SFXN5: variants seen among roughly 807,000 people sequenced by gnomAD.
SFXN5 encodes sideroflexin 5, also known as sideroflexin-5.
A neutral mutation model predicts 50.2 loss-of-function variants in SFXN5; 43 were observed. The ratio of observed to expected loss-of-function variants is 0.86; its 90% CI spans 0.67 to 1.11. The LOEUF (loss-of-function observed/expected upper bound fraction) is 1.11. Among genes scored for constraint, SFXN5 ranks in the 50% least tolerant of loss-of-function variants. The probability of loss-of-function intolerance (pLI) is 0.00; values close to 1 mark genes in which losing one functional copy is unlikely to be tolerated. For synonymous variants in SFXN5, 203 were observed against 185.8 expected (o/e 1.09, Z -0.75); for missense variants, 463 against 454.1 (o/e 1.02, Z -0.18).
Position 72,961,921 on chromosome 2 carries a change from G to GCCA in SFXN5, c.828-676_828-674dup, listed in dbSNP as rs146193138. 0.053 allele frequency among the ~76,000 whole-genome samples: 8,020 copies of GCCA among 152,258 alleles called. 300 individuals carry two copies. The highest frequency in any genetic ancestry group is 0.099 in the Middle Eastern group (29 of 294). Reference sequence around the variant, plus strand: ...GCTGTCACCCCAGCTGGTCCCCTGTGCCAGCTTCATCACCAACACAACACA... The same window carrying GCCA: ...GCTGTCACCCCAGCTGGTCCCCTGTGCCACCAGCTTCATCACCAACACAACACA... On this transcript the variant is annotated intron_variant, in intron 12 of 13. Coordinates refer to ENST00000272433, the MANE Select transcript of SFXN5 (RefSeq NM_144579.3). The surrounding 1 kb of genome is among the most constrained non-coding windows in gnomAD (Gnocchi z 4.4).
At chr2:73,024,826 ATAAAT>A (rs913296659) in intron 3 of SFXN5, among the ~76,000 whole-genome samples, 9 of 152,250 alleles carry the variant, frequency 5.9e-5, no homozygotes, top group African/African-American at 2.2e-4. Context: ...CATCTGGAAC[ATAAAT>A]TAAGCTGCAG....
Position 73,020,340 on chromosome 2 carries a change from T to C in SFXN5, c.332-76A>G, listed in dbSNP as rs1377677973. 5 of 1,483,802 alleles carry C rather than the reference T, an allele frequency of 3.4e-6. No individual in the cohort carries two copies. In the Admixed American group the frequency reaches 8.9e-5, roughly 26 times the overall value. The allele number at this position is 1,483,802 out of a possible 1,614,324, so 91.9% of individuals were successfully genotyped here. On this transcript the variant is annotated intron_variant, in intron 5 of 13. Transcript: ENST00000272433. ...CTGAGATACCCAGGAGCCTCCGGGT[T>C]AGGTCTTAGGCTATCAGTGGCCCTG...
intron 10 of SFXN5, among the ~76,000 whole-genome samples, chr2:72,986,847 C>T (rs1671981179): frequency 6.6e-6 from 1 of 152,170 alleles, no homozygotes. Flanking sequence ...AAATCCCCTC[C>T]ACATATACCT....
In SFXN5 at chr2:72,971,667, T is replaced by C. The variant is rs1207967016; in HGVS notation, c.644A>G (p.Asn215Ser). ...FPAVASANICNVVLMRYGELE... is the reference protein window; with the variant it reads ...FPAVASANICSVVLMRYGELE... ...CTCCCCGTACCGCATCAGGACCACA[T>C]TGCAGATATTGGCACTGGCTGCAGA... is the stretch of plus-strand genomic sequence containing the variant. The change falls in exon 11 of 14, where the codon AAT becomes AGT. Residue 215 changes from asparagine (N) to serine (S), a missense_variant. Physicochemically the swap from Asn to Ser is conservative, Grantham distance 46. Coordinates refer to ENST00000272433, the MANE Select transcript of SFXN5 (RefSeq NM_144579.3). The C allele has an allele frequency of 6.2e-7, 1 of 1,613,800 alleles. No individual in the cohort carries two copies.
At chr2:73,022,217 G>A (rs1326279124) in intron 5 of SFXN5, among the ~76,000 whole-genome samples, 1 of 152,210 alleles carries the variant, frequency 6.6e-6, no homozygotes, top group African/African-American at 2.4e-5. Flanking sequence ...GCATCACTGA[G>A]GCTGTCCTAG....
chr2:73,056,060 C>G (rs1682073205), intron 2 of SFXN5, among the ~76,000 whole-genome samples: 1 of 152,166 alleles, frequency 6.6e-6, no homozygotes, highest in South Asian at 2.1e-4. Context: ...ATCACTTGAA[C>G]CCGGGAAGTG....
intron 2 of SFXN5, among the ~76,000 whole-genome samples, chr2:73,055,180 G>A (rs1222755864): frequency 6.6e-6 from 1 of 152,286 alleles, no homozygotes; most frequent in Non-Finnish European, 1.5e-5. Flanking sequence ...GATGTGCAGT[G>A]AAGTGCTGCC....
chr2:73,056,980 T>A (rs528088562), intron 2 of SFXN5, among the ~76,000 whole-genome samples: 1 of 152,334 alleles, frequency 6.6e-6, no homozygotes, highest in Admixed American at 6.5e-5. Context: ...AGAATGTTCA[T>A]ATAGTTTTAT....
chr2:72,948,409 G>A (rs1316198579), intron 13 of SFXN5, among the ~76,000 whole-genome samples: 2 of 152,228 alleles, frequency 1.3e-5, no homozygotes, highest in Non-Finnish European at 2.9e-5. Context: ...AAGCCAAGGA[G>A]TATTTTAAGT....
chr2:73,060,783 C>A (rs538653571), intron 1 of SFXN5, among the ~76,000 whole-genome samples: 1 of 151,222 alleles, frequency 6.6e-6, no homozygotes, highest in South Asian at 2.1e-4. Context: ...CTCACTGCAA[C>A]CTCTGCCTCC....
At chr2:73,063,157 A>G (rs1327813400) in intron 1 of SFXN5, among the ~76,000 whole-genome samples, 2 of 152,242 alleles carry the variant, frequency 1.3e-5, no homozygotes. Flanking sequence ...TGTATTGGTC[A>G]TATCAGTCTG....
intron 10 of SFXN5, among the ~76,000 whole-genome samples, chr2:72,975,124 T>G (rs139995790): frequency 3.9e-5 from 6 of 152,358 alleles, no homozygotes; most frequent in African/African-American, 1.4e-4. Context: ...ACTTTGCTTC[T>G]TGATGATGGC....
chr2:73,051,546 G>A (rs778112813), intron 2 of SFXN5, among the ~76,000 whole-genome samples: 4 of 152,040 alleles, frequency 2.6e-5, no homozygotes, highest in Non-Finnish European at 5.9e-5. Context: ...GTGAGCCACC[G>A]CCCCCAGCCT....
At chr2:72,969,129 C>T (rs1674848576) in intron 11 of SFXN5, among the ~76,000 whole-genome samples, 2 of 151,974 alleles carry the variant, frequency 1.3e-5, no homozygotes, top group Non-Finnish European at 2.9e-5. Flanking sequence ...TCTTACCACA[C>T]ACATTTGAGA....
At chr2:72,985,975 C>CT (rs1050249668) in intron 10 of SFXN5, among the ~76,000 whole-genome samples, 30 of 152,230 alleles carry the variant, frequency 2.0e-4, no homozygotes, top group Admixed American at 1.8e-3. Context: ...TAAAGCTTGG[C>CT]TAGGGACAGA....
chr2:72,998,160 C>T (rs1673469361), intron 9 of SFXN5: 1 of 152,114 alleles, frequency 6.6e-6, no homozygotes, highest in African/African-American at 2.4e-5. Context: ...GTGAAGGGGC[C>T]CTTCGCCCTC....
In SFXN5 at chr2:73,071,221, C is replaced by A. The variant is rs549494843; in HGVS notation, c.102+383G>T. ...GGCCACGCCAACTTCCCATCCAGGG[C>A]CAGACTAGAACTTTGCGTCCCGGGC... On this transcript the variant is annotated intron_variant, in intron 1 of 13. Coordinates refer to ENST00000272433, the MANE Select transcript of SFXN5 (RefSeq NM_144579.3). 3 of 206,968 alleles carry A rather than the reference C, an allele frequency of 1.4e-5. No homozygotes were observed. The South Asian group carries it at 2.4e-4, about 17-fold the overall frequency. 12.8% of individuals were successfully genotyped at this position (206,968 alleles called of 1,614,324 possible).
Position 72,973,786 on chromosome 2 carries a change from C to A in SFXN5, c.626-2101G>T, listed in dbSNP as rs1670305054. ...ACCTGGCCTCTGTGTTAGTGACATG[C>A]CCTCTAGTGGCCTTAGGGAGGCTAT... On this transcript the variant is annotated intron_variant, in intron 10 of 13. Coordinates refer to ENST00000272433, the MANE Select transcript of SFXN5 (RefSeq NM_144579.3). This position sits in a 1 kb window ranked among gnomAD's most constrained non-coding sequence, Gnocchi z 5.5. Among the ~76,000 whole-genome samples the A allele has an allele frequency of 6.6e-6, 1 of 152,178 alleles. No homozygotes were observed. Among genetic ancestry groups the A allele is most frequent in the African/African-American group, 2.4e-5 (1 of 41,442 alleles).
chr2:73,027,765 T>C (rs1404504699), intron 3 of SFXN5, among the ~76,000 whole-genome samples: 2 of 152,030 alleles, frequency 1.3e-5, no homozygotes, highest in Non-Finnish European at 2.9e-5. Flanking sequence ...GCTCAAGCAA[T>C]CCTCCCACCT....
Sources: allele counts gnomAD v4.1 joint callset (sites outside exome capture counted in the v4.1 genomes callset), GRCh38; gene constraint gnomAD v4.1.1; non-coding constraint Gnocchi (gnomAD v3.1); transcripts MANE v1.5; gene names NCBI Gene and HGNC (gene_info 2026-07-23, HGNC 2026-07-21).